MRTFA: variants seen among roughly 807,000 people sequenced by gnomAD.
MRTFA encodes the protein myocardin related transcription factor A, also known as myocardin-related transcription factor A.
In MRTFA, 20 loss-of-function variants were observed where a neutral mutation model predicts 83.5. The ratio of observed to expected loss-of-function variants is 0.24; its 90% CI spans 0.17 to 0.35. The LOEUF (loss-of-function observed/expected upper bound fraction) is 0.35. Among genes scored for constraint, MRTFA ranks in the 10% least tolerant of loss-of-function variants. The pLI, the probability that MRTFA is intolerant of heterozygous loss-of-function variation, is 1.00. For missense variants in MRTFA, 1,200 were observed against 1,224.7 expected (o/e 0.98, Z 0.30); for synonymous variants, 659 against 541.2 (o/e 1.22, Z -3.02).
rs1311787529 is a variant in MRTFA, at chr22:40,410,941, G to A, written c.*449C>T. On this transcript the variant is annotated 3_prime_UTR_variant, in exon 15 of 15. Coordinates refer to ENST00000355630, the MANE Select transcript of MRTFA (RefSeq NM_020831.6). ...GGTTGGCAGACACAGGGAATAGGGG[G>A]TAGAGGCCCAGGCTAATTTCTCCCT... is the stretch of plus-strand genomic sequence containing the variant. 4.2e-6 allele frequency: 1 copy of A among 236,292 alleles called. No individual in the cohort carries two copies. The highest frequency in any genetic ancestry group is 8.3e-6 in the Non-Finnish European group (1 of 120,378). The allele number at this position is 236,292 out of a possible 1,614,324, so 14.6% of individuals were successfully genotyped here.
At chr22:40,438,943 G>T (rs967122440) in intron 4 of MRTFA, among the ~76,000 whole-genome samples, 1 of 152,192 alleles carries the variant, frequency 6.6e-6, no homozygotes, top group African/African-American at 2.4e-5. Flanking sequence ...ATTAATATCT[G>T]TTGGATGCTT....
At chr22:40,444,264 A>G (rs1467110655) in intron 4 of MRTFA, among the ~76,000 whole-genome samples, 1 of 152,210 alleles carries the variant, frequency 6.6e-6, no homozygotes. Flanking sequence ...ACAGAAAGAA[A>G]AGAGACTGGA....
intron 1 of MRTFA, among the ~76,000 whole-genome samples, chr22:40,610,041 CTCTT>C (rs1425693577): frequency 4.2e-5 from 6 of 143,496 alleles, no homozygotes; most frequent in South Asian, 2.2e-4. Flanking sequence ...TCTTTTTTTT[CTCTT>C]TTTTTTTTTT....
At chr22:40,595,357 G>A (rs950684334) in intron 1 of MRTFA, among the ~76,000 whole-genome samples, 13 of 151,698 alleles carry the variant, frequency 8.6e-5, no homozygotes, top group South Asian at 2.1e-4. Flanking sequence ...TCCTGACCTC[G>A]TGATCCACCT....
rs774052423 is a variant in MRTFA, at chr22:40,421,103, G to A, written c.928-3C>T. On this transcript the variant is annotated splice_polypyrimidine_tract_variant and splice_region_variant and intron_variant, in intron 9 of 14. Coordinates refer to ENST00000355630, the MANE Select transcript of MRTFA (RefSeq NM_020831.6). Reference sequence around the variant, plus strand: ...CTGGCAGACTTGGGTTGGCTTTGCTGAGGGCACAGGAGACAGGGTGCCATT... The same window carrying A: ...CTGGCAGACTTGGGTTGGCTTTGCTAAGGGCACAGGAGACAGGGTGCCATT... 1.3e-5 allele frequency: 19 copies of A among 1,519,812 alleles called. No homozygotes were observed. The highest frequency in any genetic ancestry group is 1.8e-4 in the Middle Eastern group (1 of 5,628). The allele number at this position is 1,519,812 out of a possible 1,614,324, so 94.1% of individuals were successfully genotyped here.
chr22:40,411,996 A>C, intron 14 of MRTFA, 89 bp from the exon 15 acceptor site: 2 of 1,121,478 alleles, frequency 1.8e-6, no homozygotes, highest in Non-Finnish European at 2.4e-6. Flanking sequence ...CCCCAACGTC[A>C]CACCATTTAC....
At chr22:40,516,476 C>G (rs927187304) in intron 3 of MRTFA, among the ~76,000 whole-genome samples, 2 of 146,756 alleles carry the variant, frequency 1.4e-5, no homozygotes, top group Admixed American at 1.4e-4. Flanking sequence ...TTTCTGAAAG[C>G]CTTCTCAGAA....
At chr22:40,499,470 G>A (rs934981729) in intron 3 of MRTFA, among the ~76,000 whole-genome samples, 1 of 152,112 alleles carries the variant, frequency 6.6e-6, no homozygotes, top group Non-Finnish European at 1.5e-5. Context: ...AAGATAAAAG[G>A]AGAGTTTCCT....
intron 4 of MRTFA, among the ~76,000 whole-genome samples, chr22:40,443,953 G>A (rs1417437013): frequency 6.6e-6 from 1 of 152,160 alleles, no homozygotes; most frequent in Non-Finnish European, 1.5e-5. Context: ...CCCCACCATG[G>A]TGTGCATACA....
chr22:40,423,139 C>A (rs1449956954), intron 9 of MRTFA, among the ~76,000 whole-genome samples: 1 of 152,218 alleles, frequency 6.6e-6, no homozygotes, highest in Non-Finnish European at 1.5e-5. Context: ...CAGGCCAGGC[C>A]TTGAAGGAGG....
At chr22:40,578,071 A>G (rs2147355388) in intron 2 of MRTFA, among the ~76,000 whole-genome samples, 1 of 152,050 alleles carries the variant, frequency 6.6e-6, no homozygotes, top group East Asian at 1.9e-4. Flanking sequence ...CTCCTGCCTC[A>G]GCCTCCCAAG....
intron 4 of MRTFA, among the ~76,000 whole-genome samples, chr22:40,458,651 T>C (rs2053638688): frequency 6.6e-6 from 1 of 152,134 alleles, no homozygotes; most frequent in Admixed American, 6.5e-5. Flanking sequence ...GGAGAAGAAT[T>C]TGATAAAAGA....
chr22:40,502,224 T>C (rs1313736235), intron 3 of MRTFA, among the ~76,000 whole-genome samples: 5 of 127,314 alleles, frequency 3.9e-5, no homozygotes, highest in African/African-American at 9.2e-5. Context: ...ACTTCCCAGA[T>C]GGGGTGGCTG....
At chr22:40,548,007 C>G (rs1223989950) in intron 3 of MRTFA, among the ~76,000 whole-genome samples, 3 of 152,088 alleles carry the variant, frequency 2.0e-5, no homozygotes, top group African/African-American at 7.2e-5. Context: ...CAAAGGCTCA[C>G]TCATTGCTGA....
intron 3 of MRTFA, among the ~76,000 whole-genome samples, chr22:40,541,381 G>C (rs1329924545): frequency 6.6e-6 from 1 of 152,082 alleles, no homozygotes; most frequent in East Asian, 1.9e-4. Flanking sequence ...GTTTATTGAG[G>C]CTCAGCTGTA....
intron 1 of MRTFA, among the ~76,000 whole-genome samples, chr22:40,612,016 G>A (rs1307403911): frequency 6.6e-6 from 1 of 152,168 alleles, no homozygotes; most frequent in Non-Finnish European, 1.5e-5. Flanking sequence ...TCCACAGATA[G>A]CAGAGTACAA....
intron 4 of MRTFA, among the ~76,000 whole-genome samples, chr22:40,453,324 G>A (rs555723849): frequency 2.6e-5 from 4 of 152,282 alleles, no homozygotes; most frequent in South Asian, 2.1e-4. Context: ...ATAAGGAAAC[G>A]ATCACCAAAT....
chr22:40,432,273 C>G (rs1186240663), intron 5 of MRTFA, among the ~76,000 whole-genome samples: 1 of 151,806 alleles, frequency 6.6e-6, no homozygotes, highest in Non-Finnish European at 1.5e-5. Flanking sequence ...AAACCAAAAA[C>G]CAAAAAAAAA....
intron 3 of MRTFA, among the ~76,000 whole-genome samples, chr22:40,471,499 A>G (rs1039685340): frequency 2.6e-5 from 4 of 152,246 alleles, no homozygotes; most frequent in Admixed American, 6.5e-5. Flanking sequence ...GAATAGATGT[A>G]TAACAAGTAA....
Sources: gnomAD v4.1 joint callset for allele counts (sites outside exome capture counted in the v4.1 genomes callset) on GRCh38, gnomAD v4.1.1 for gene constraint, MANE v1.5 for transcripts, NCBI Gene and HGNC (gene_info 2026-07-23, HGNC 2026-07-21) for gene names.